The following IL7 variants were observed in gnomAD, a reference collection of about 807,000 sequenced individuals.
IL7 encodes the protein interleukin-7.
IL7 carries 3 observed loss-of-function variants against 21.6 expected under a neutral mutation model. The observed-to-expected ratio is 0.14, with a 90% confidence interval of 0.06 to 0.36. The LOEUF is 0.36. Ranked by LOEUF, IL7 falls within the 10% of genes least tolerant of loss-of-function variation. IL7 has a pLI of 1.00. For synonymous variants in IL7, 62 were observed against 68.1 expected (o/e 0.91, Z 0.44); for missense variants, 175 against 200.2 (o/e 0.87, Z 0.76).
downstream of IL7, among the ~76,000 whole-genome samples, chr8:78,729,573 T>C (rs1811388515): frequency 6.6e-6 from 1 of 152,004 alleles, no homozygotes; most frequent in South Asian, 2.1e-4. Context: ...CCATTTTTTT[T>C]CTTCCCTTTC....
intron 2 of IL7, among the ~76,000 whole-genome samples, chr8:78,791,743 G>A (rs898548390): frequency 2.6e-5 from 4 of 152,036 alleles, no homozygotes; most frequent in African/African-American, 9.7e-5. Flanking sequence ...GATCTTGAGA[G>A]CTATAAGGAA....
chr8:78,796,510 C>T (rs181418485), intron 2 of IL7, among the ~76,000 whole-genome samples: 3 of 151,554 alleles, frequency 2.0e-5, no homozygotes, highest in Non-Finnish European at 2.9e-5. Context: ...CCAGATAATA[C>T]AATTAAATGA....
rs144722698 is a variant in IL7 at position 78,688,910 on chromosome 8, G to A, written n.215-2963C>T. Among the ~76,000 whole-genome samples the A allele has an allele frequency of 4.0e-3, 605 of 151,904 alleles. 3 individuals are homozygous for A. Among genetic ancestry groups the A allele is most frequent in the African/African-American group, 0.014 (568 of 41,486 alleles). Reference sequence around the variant, plus strand: ...TATCCATTATAAATGAAAACATAAAGGCAAAAAAGAAATAACGTTTTTCCT... The same window carrying A: ...TATCCATTATAAATGAAAACATAAAAGCAAAAAAGAAATAACGTTTTTCCT... On this transcript the variant is annotated intron_variant and non_coding_transcript_variant, in intron 3 of 4. Transcript: ENST00000523959.
At chr8:78,761,656 T>A in intron 2 of IL7, 1 of 1,612,040 alleles carries the variant, frequency 6.2e-7, no homozygotes, top group Non-Finnish European at 8.5e-7. Context: ...AAAAGACGTG[T>A]GAGTCTCTCA....
chr8:78,761,185 T>G (rs1812543097), intron 2 of IL7: 1 of 1,592,316 alleles, frequency 6.3e-7, no homozygotes, highest in Non-Finnish European at 8.5e-7. Context: ...CTTTACCCCT[T>G]TCTTTACTGT....
At chr8:78,777,927 G>A (rs1047917461) in intron 2 of IL7, among the ~76,000 whole-genome samples, 1 of 151,988 alleles carries the variant, frequency 6.6e-6, no homozygotes, top group African/African-American at 2.4e-5. Flanking sequence ...CTTCGGCCTG[G>A]TATGTAAGGT....
intron 3 of IL7, among the ~76,000 whole-genome samples, chr8:78,689,943 C>T (rs1010757126): frequency 6.6e-6 from 1 of 152,108 alleles, no homozygotes; most frequent in African/African-American, 2.4e-5. Flanking sequence ...TTAGCTCTTA[C>T]ATCTGTAAAT....
chr8:78,710,907 A>C (rs1338393461), intron 3 of IL7, among the ~76,000 whole-genome samples: 1 of 152,140 alleles, frequency 6.6e-6, no homozygotes, highest in Non-Finnish European at 1.5e-5. Flanking sequence ...GAAAGAAGAC[A>C]AAAATTAATA....
chr8:78,692,821 T>C (rs1810253886), intron 3 of IL7, among the ~76,000 whole-genome samples: 1 of 152,150 alleles, frequency 6.6e-6, no homozygotes, highest in Admixed American at 6.5e-5. Context: ...CATGTTGGTG[T>C]GCTGCACCCA....
intron 3 of IL7, among the ~76,000 whole-genome samples, chr8:78,700,576 T>C (rs1810567135): frequency 6.6e-6 from 1 of 152,234 alleles, no homozygotes; most frequent in African/African-American, 2.4e-5. Flanking sequence ...ATAAAATCTT[T>C]GCTGCTGCCT....
At chr8:78,751,762 T>C (rs755060131) in intron 2 of IL7, among the ~76,000 whole-genome samples, 1 of 152,224 alleles carries the variant, frequency 6.6e-6, no homozygotes, top group Non-Finnish European at 1.5e-5. Context: ...CATTTCTTTC[T>C]GTTATGAACA....
chr8:78,731,087 T>C (rs1191354179), downstream of IL7, among the ~76,000 whole-genome samples: 2 of 152,018 alleles, frequency 1.3e-5, no homozygotes, highest in African/African-American at 4.8e-5. Context: ...GAAATATTTA[T>C]ATGGCGTGGT....
At chr8:78,689,551 C>G (rs956975222) in intron 3 of IL7, among the ~76,000 whole-genome samples, 1 of 151,852 alleles carries the variant, frequency 6.6e-6, no homozygotes, top group Non-Finnish European at 1.5e-5. Context: ...TAAATCATTT[C>G]AAGCTAATTG....
chr8:78,712,180 T>A, intron 3 of IL7: 1 of 811,420 alleles, frequency 1.2e-6, no homozygotes, highest in Non-Finnish European at 1.7e-6. Flanking sequence ...TGGAATAACA[T>A]AACTTTTACT....
intron 2 of IL7, among the ~76,000 whole-genome samples, chr8:78,777,079 TATTATC>T (rs140267803): frequency 0.011 from 1,697 of 152,184 alleles, 17 homozygotes; most frequent in South Asian, 0.031. Flanking sequence ...GAAGCACAAA[TATTATC>T]ATTATGTGAT....
intron 3 of IL7, among the ~76,000 whole-genome samples, chr8:78,691,871 T>C (rs906422477): frequency 1.3e-5 from 2 of 152,176 alleles, no homozygotes; most frequent in African/African-American, 4.8e-5. Context: ...TGTATTGTTA[T>C]ACTTACTGCC....
At chr8:78,784,976 G>A (rs186875997) in intron 2 of IL7, among the ~76,000 whole-genome samples, 1 of 152,002 alleles carries the variant, frequency 6.6e-6, no homozygotes, top group Non-Finnish European at 1.5e-5. Context: ...ATCTTGTCTA[G>A]GTATCAAATT....
intron 3 of IL7, among the ~76,000 whole-genome samples, chr8:78,690,509 T>G (rs993700701): frequency 2.0e-5 from 3 of 149,326 alleles, no homozygotes; most frequent in Non-Finnish European, 4.4e-5. Context: ...GCAGTGAGCC[T>G]AGATCATGCC....
At chr8:78,700,027 T>C (rs1249665943) in intron 3 of IL7, among the ~76,000 whole-genome samples, 1 of 152,198 alleles carries the variant, frequency 6.6e-6, no homozygotes, top group African/African-American at 2.4e-5. Flanking sequence ...TTTAGGTCTT[T>C]GAGGAATTGC....
Sources: gnomAD v4.1 joint callset for allele counts (sites outside exome capture counted in the v4.1 genomes callset) on GRCh38, gnomAD v4.1.1 for gene constraint, MANE v1.5 for transcripts, NCBI Gene and HGNC (gene_info 2026-07-23, HGNC 2026-07-21) for gene names.